CHRM3: variants seen among roughly 807,000 people sequenced by gnomAD.
The protein encoded by CHRM3 is cholinergic receptor muscarinic 3.
A neutral mutation model predicts 41.8 loss-of-function variants in CHRM3; 11 were observed. The observed-to-expected ratio is 0.26, with a 90% CI of 0.17 to 0.44. CHRM3 has a LOEUF of 0.44. Ranked by LOEUF, CHRM3 falls within the 20% of genes least tolerant of loss-of-function variation. CHRM3 has a pLI of 1.00. For missense variants in CHRM3, 571 were observed against 745.4 expected, an observed-to-expected ratio of 0.77 and a Z score of 2.72; for synonymous variants, 297 against 301.4, an observed-to-expected ratio of 0.99 and a Z score of 0.15.
chr1:239,431,185 G>A lies in CHRM3; in HGVS notation c.-521+43958G>A, dbSNP rs150542215. Among the ~76,000 whole-genome samples the A allele has an allele frequency of 5.3e-3, 807 of 152,182 alleles. 5 individuals are homozygous for A. Among genetic ancestry groups the A allele is most frequent in the African/African-American group, 0.019 (774 of 41,514 alleles). On this transcript the variant is annotated intron_variant, in intron 1 of 6. Transcript: ENST00000676153. The stretch of plus-strand genomic sequence containing the variant: ...CCTATTATGCCAGTCAAATGCTCGT[G>A]TACATTAGGAGTAAAATTAATTTAT...
chr1:239,636,428 C>T (rs913614225), intron 4 of CHRM3, among the ~76,000 whole-genome samples: 2 of 152,110 alleles, frequency 1.3e-5, no homozygotes, highest in Non-Finnish European at 2.9e-5. Context: ...CAGTGACTAT[C>T]CAGAATGGCA....
At chr1:239,642,584 A>G (rs887575131) in intron 4 of CHRM3, among the ~76,000 whole-genome samples, 4 of 152,042 alleles carry the variant, frequency 2.6e-5, no homozygotes. Flanking sequence ...TGCATTCTTC[A>G]CATAGTTCTC....
chr1:239,513,583 C>A (rs1233496706), intron 2 of CHRM3, among the ~76,000 whole-genome samples: 2 of 152,100 alleles, frequency 1.3e-5, no homozygotes, highest in Non-Finnish European at 2.9e-5. Context: ...GGCTTGTATT[C>A]TCTTTCTCTT....
intron 6 of CHRM3, among the ~76,000 whole-genome samples, chr1:239,904,552 C>T (rs1042364757): frequency 2.6e-5 from 4 of 152,172 alleles, no homozygotes; most frequent in Non-Finnish European, 4.4e-5. Context: ...ATCTTCTGTA[C>T]ATGCATCTTG....
At chr1:239,699,134 G>A (rs747015332) in intron 5 of CHRM3, among the ~76,000 whole-genome samples, 20 of 151,858 alleles carry the variant, frequency 1.3e-4, no homozygotes, top group Non-Finnish European at 2.9e-4. Context: ...TATTGCATGT[G>A]TTGTTTCTGT....
At chr1:239,474,820 T>C (rs12066509) in intron 1 of CHRM3, among the ~76,000 whole-genome samples, 2,601 of 152,170 alleles carry the variant, frequency 0.017, 52 homozygotes, top group African/African-American at 0.047. Context: ...CCAAAAATTA[T>C]CTGAAATGAT....
intron 5 of CHRM3, chr1:239,704,224 C>T (rs907982748): frequency 2.0e-5 from 3 of 152,196 alleles, no homozygotes; most frequent in Admixed American, 2.0e-4. Context: ...ACGTAGGAAT[C>T]AACCACTGAT....
chr1:239,465,562 C>G (rs1410269268), intron 1 of CHRM3, among the ~76,000 whole-genome samples: 2 of 152,104 alleles, frequency 1.3e-5, no homozygotes, highest in African/African-American at 4.8e-5. Context: ...GTGTTGGGGT[C>G]TTGCCTTTGT....
intron 5 of CHRM3, among the ~76,000 whole-genome samples, chr1:239,726,050 G>C (rs995147965): frequency 6.6e-6 from 1 of 151,892 alleles, no homozygotes; most frequent in African/African-American, 2.4e-5. Context: ...ATTTGTATTG[G>C]AACACAGCCA....
intron 2 of CHRM3, among the ~76,000 whole-genome samples, chr1:239,514,515 G>T (rs2148220201): frequency 6.6e-6 from 1 of 152,044 alleles, no homozygotes; most frequent in Non-Finnish European, 1.5e-5. Flanking sequence ...GAAGTTTTGT[G>T]TTGATTCTAC....
intron 1 of CHRM3, among the ~76,000 whole-genome samples, chr1:239,405,197 T>C (rs1660499162): frequency 6.6e-6 from 1 of 152,314 alleles, no homozygotes; most frequent in African/African-American, 2.4e-5. Flanking sequence ...ACAAAATTAA[T>C]AATCACTCTG....
intron 5 of CHRM3, among the ~76,000 whole-genome samples, chr1:239,813,646 G>A (rs553166308): frequency 3.2e-4 from 49 of 151,570 alleles, no homozygotes; most frequent in Non-Finnish European, 5.7e-4. Flanking sequence ...GGCCGGGCGC[G>A]GTGGCTCACG....
At chr1:239,664,006 G>C (rs1277930790) in intron 4 of CHRM3, among the ~76,000 whole-genome samples, 1 of 152,038 alleles carries the variant, frequency 6.6e-6, no homozygotes, top group Non-Finnish European at 1.5e-5. Flanking sequence ...TTCTTCATCA[G>C]GAAACCAAGT....
intron 5 of CHRM3, among the ~76,000 whole-genome samples, chr1:239,716,033 A>G (rs1439173455): frequency 6.6e-6 from 1 of 152,128 alleles, no homozygotes; most frequent in South Asian, 2.1e-4. Flanking sequence ...ATGAAAACAG[A>G]CATAAAATAA....
At chr1:239,621,510 A>G (rs1245930057) in intron 3 of CHRM3, among the ~76,000 whole-genome samples, 16 of 152,198 alleles carry the variant, frequency 1.1e-4, no homozygotes, top group Admixed American at 1.0e-3. Flanking sequence ...GGAAAAGTTC[A>G]TGAAGGAAAT....
At chr1:239,664,882 G>A (rs1176686499) in intron 4 of CHRM3, among the ~76,000 whole-genome samples, 2 of 151,916 alleles carry the variant, frequency 1.3e-5, no homozygotes, top group African/African-American at 2.4e-5. Context: ...TCTTGATAGC[G>A]GCTTTGCCAA....
chr1:239,630,356 A>C (rs61836593), intron 3 of CHRM3, among the ~76,000 whole-genome samples: 13,108 of 152,238 alleles, frequency 0.086, 639 homozygotes, highest in Middle Eastern at 0.12. Context: ...ATTACTTTTA[A>C]TGATAAAATC....
intron 4 of CHRM3, among the ~76,000 whole-genome samples, chr1:239,666,896 C>T (rs987258392): frequency 2.0e-5 from 3 of 152,112 alleles, no homozygotes; most frequent in African/African-American, 7.2e-5. Flanking sequence ...TGTTTAGCTC[C>T]CACTTACAGG....
chr1:239,679,785 A>T (rs1370975371), intron 5 of CHRM3, among the ~76,000 whole-genome samples: 1 of 152,062 alleles, frequency 6.6e-6, no homozygotes, highest in East Asian at 1.9e-4. Flanking sequence ...CAAATCAAAA[A>T]ATCAGGACAG....
Sources: gnomAD v4.1 joint callset for allele counts (sites outside exome capture counted in the v4.1 genomes callset) on GRCh38, gnomAD v4.1.1 for gene constraint, MANE v1.5 for transcripts, NCBI Gene and HGNC (gene_info 2026-07-23, HGNC 2026-07-21) for gene names.